Variants in SAMD3 observed in about 807,000 individuals in gnomAD.
The protein encoded by SAMD3 is sterile alpha motif domain containing 3.
SAMD3 carries 63 observed loss-of-function variants against 58.5 expected under a neutral mutation model. That is an observed-to-expected ratio of 1.08 (90% CI 0.88 to 1.33). The LOEUF (loss-of-function observed/expected upper bound fraction) is 1.33, where lower values mean the gene tolerates loss of function less well. Among genes scored for constraint, SAMD3 ranks in the 40% most tolerant of loss-of-function variants. SAMD3 has a pLI of 0.00. For missense variants in SAMD3, 604 were observed against 608.4 expected (o/e 0.99, Z 0.08); for synonymous variants, 220 against 210.3 (o/e 1.05, Z -0.40).
intron 1 of SAMD3, among the ~76,000 whole-genome samples, chr6:130,362,891 A>G (rs1027985721): frequency 1.3e-5 from 2 of 152,240 alleles, no homozygotes; most frequent in Non-Finnish European, 1.5e-5. Flanking sequence ...AGAAAACATG[A>G]AAAGTATGAC....
At chr6:130,348,234 C>T (rs796822478) in intron 1 of SAMD3, among the ~76,000 whole-genome samples, 2 of 151,272 alleles carry the variant, frequency 1.3e-5, no homozygotes, top group South Asian at 4.1e-4. Context: ...ACAATATTAA[C>T]CTTAAATGTA....
intron 1 of SAMD3, among the ~76,000 whole-genome samples, chr6:130,354,497 AAAAG>A (rs1777769847): frequency 6.6e-6 from 1 of 152,230 alleles, no homozygotes; most frequent in Admixed American, 6.5e-5. Context: ...GCAGCCATAA[AAAAG>A]AAAGAGATCA....
chr6:130,258,034 G>GT (rs1448418468), intron 2 of SAMD3, among the ~76,000 whole-genome samples: 2 of 152,120 alleles, frequency 1.3e-5, no homozygotes, highest in South Asian at 4.1e-4. Context: ...TATTGGAGTA[G>GT]TTTTTTCTTT....
intron 2 of SAMD3, among the ~76,000 whole-genome samples, chr6:130,240,167 C>A (rs1324090741): frequency 1.3e-5 from 2 of 152,148 alleles, no homozygotes; most frequent in African/African-American, 4.8e-5. Flanking sequence ...CCTGCATTTT[C>A]TTCTTTTTCT....
intron 7 of SAMD3, among the ~76,000 whole-genome samples, chr6:130,179,624 A>G (rs947240347): frequency 1.3e-5 from 2 of 151,824 alleles, no homozygotes; most frequent in African/African-American, 2.4e-5. Context: ...AAAAAAAATT[A>G]AAGAGACATA....
At chr6:130,331,545 A>AC (rs963752360) in intron 1 of SAMD3, among the ~76,000 whole-genome samples, 101 of 152,154 alleles carry the variant, frequency 6.6e-4, no homozygotes, top group African/African-American at 2.3e-3. Flanking sequence ...ACATGGTGAA[A>AC]CCCCGTCTCT....
At chr6:130,345,993 T>A (rs553238290) in intron 1 of SAMD3, among the ~76,000 whole-genome samples, 1 of 152,368 alleles carries the variant, frequency 6.6e-6, no homozygotes, top group East Asian at 1.9e-4. Context: ...TAGGTTGTTA[T>A]GACAGGCTGA....
chr6:130,293,860 T>C (rs1775467468), intron 2 of SAMD3, among the ~76,000 whole-genome samples: 1 of 152,058 alleles, frequency 6.6e-6, no homozygotes, highest in Non-Finnish European at 1.5e-5. Context: ...TTGATAGGGA[T>C]TGGCTTTTGA....
intron 3 of SAMD3, 85 bp from the exon 4 acceptor site, chr6:130,214,611 T>C: frequency 1.1e-6 from 1 of 914,902 alleles, no homozygotes; most frequent in Non-Finnish European, 1.6e-6. Flanking sequence ...CCTCTAGTGA[T>C]AAAAGGATCA....
intron 8 of SAMD3, among the ~76,000 whole-genome samples, chr6:130,156,439 C>T (rs907490437): frequency 1.1e-4 from 16 of 152,272 alleles, no homozygotes; most frequent in African/African-American, 3.6e-4. Flanking sequence ...CAGTCACTCT[C>T]GTTCATGAAC....
At chr6:130,171,107 T>C (rs899041348) in intron 8 of SAMD3, among the ~76,000 whole-genome samples, 3 of 152,204 alleles carry the variant, frequency 2.0e-5, no homozygotes, top group Admixed American at 2.0e-4. Context: ...TTTTGAGATA[T>C]GTTCCATCAA....
chr6:130,197,289 T>C (rs924095834), intron 5 of SAMD3, among the ~76,000 whole-genome samples: 22 of 152,214 alleles, frequency 1.4e-4, no homozygotes, highest in African/African-American at 3.6e-4. Flanking sequence ...AGTCATACTC[T>C]TATTCACCGT....
At chr6:130,293,787 TG>T (rs1583061683) in intron 2 of SAMD3, among the ~76,000 whole-genome samples, 1 of 151,806 alleles carries the variant, frequency 6.6e-6, no homozygotes, top group African/African-American at 2.4e-5. Context: ...GCTGAAAACT[TG>T]TTTTTAGTGC....
intron 1 of SAMD3, among the ~76,000 whole-genome samples, chr6:130,355,195 A>C (rs896810665): frequency 6.6e-6 from 1 of 152,158 alleles, no homozygotes; most frequent in Non-Finnish European, 1.5e-5. Flanking sequence ...AGGCCAAGGC[A>C]GGTGGATCAC....
intron 9 of SAMD3, among the ~76,000 whole-genome samples, chr6:130,151,767 T>G (rs1789214680): frequency 6.6e-6 from 1 of 152,072 alleles, no homozygotes; most frequent in South Asian, 2.1e-4. Flanking sequence ...TGAGACTTTA[T>G]TAGCTGGCGA....
intron 9 of SAMD3, among the ~76,000 whole-genome samples, chr6:130,149,360 C>T (rs1582711225): frequency 6.6e-6 from 1 of 152,208 alleles, no homozygotes; most frequent in Admixed American, 6.5e-5. Context: ...TTTGACCCAA[C>T]AATCCCATTA....
intron 6 of SAMD3, 120 bp downstream of exon 6, chr6:130,184,318 A>T (rs889287355): frequency 1.7e-6 from 2 of 1,148,084 alleles, no homozygotes; most frequent in Non-Finnish European, 2.5e-6. Flanking sequence ...ATATTGGGCA[A>T]TTGGGACCTA....
At chr6:130,335,718 T>C (rs956012399) in intron 1 of SAMD3, among the ~76,000 whole-genome samples, 9 of 152,182 alleles carry the variant, frequency 5.9e-5, no homozygotes, top group African/African-American at 1.9e-4. Flanking sequence ...TGCACACGTA[T>C]GTTTATTGCG....
chr6:130,215,859 A>C, intron 2 of SAMD3: 1 of 1,533,466 alleles, frequency 6.5e-7, no homozygotes, highest in Admixed American at 2.0e-5. Context: ...GTTTTCCGTT[A>C]GCAAGAAGAG....
Sources: allele counts gnomAD v4.1 joint callset (sites outside exome capture counted in the v4.1 genomes callset), GRCh38; gene constraint gnomAD v4.1.1; transcripts MANE v1.5; gene names NCBI Gene and HGNC (gene_info 2026-07-23, HGNC 2026-07-21).